NTNG1: variants seen among roughly 807,000 people sequenced by gnomAD.
NTNG1 encodes netrin G1.
In NTNG1, 16 loss-of-function variants were observed where a neutral mutation model predicts 54.0. That is an observed-to-expected ratio of 0.30 (90% CI 0.20 to 0.45). The LOEUF (loss-of-function observed/expected upper bound fraction) is 0.45, where lower values mean the gene tolerates loss of function less well. Among genes scored for constraint, NTNG1 ranks in the 20% least tolerant of loss-of-function variants. The probability of loss-of-function intolerance (pLI) is 1.00; values close to 1 mark genes in which losing one functional copy is unlikely to be tolerated. For missense variants in NTNG1, 530 were observed against 678.7 expected, an observed-to-expected ratio of 0.78 and a Z score of 2.43; for synonymous variants, 255 against 263.1, an observed-to-expected ratio of 0.97 and a Z score of 0.30.
At chr1:107,350,585 C>T (rs986939537) in intron 3 of NTNG1, among the ~76,000 whole-genome samples, 1 of 152,184 alleles carries the variant, frequency 6.6e-6, no homozygotes, top group African/African-American at 2.4e-5. Flanking sequence ...GATGTGGAAT[C>T]ACCCTAAATG....
intron 3 of NTNG1, among the ~76,000 whole-genome samples, chr1:107,362,091 C>A (rs534450885): frequency 6.6e-6 from 1 of 152,136 alleles, no homozygotes; most frequent in African/African-American, 2.4e-5. Flanking sequence ...ATCACAATCT[C>A]CTTGGGCATC....
At chr1:107,221,712 G>C (rs773515293) in intron 2 of NTNG1, among the ~76,000 whole-genome samples, 3 of 152,154 alleles carry the variant, frequency 2.0e-5, no homozygotes, top group African/African-American at 4.8e-5. Flanking sequence ...CTGGCACCTG[G>C]TATGTGCTTG....
chr1:107,475,309 A>G (rs996750647), intron 7 of NTNG1, among the ~76,000 whole-genome samples: 2 of 152,248 alleles, frequency 1.3e-5, no homozygotes, highest in Non-Finnish European at 2.9e-5. Context: ...GCAGTAATCT[A>G]TAAATTGGGA....
chr1:107,347,138 C>T (rs947589133), intron 3 of NTNG1, among the ~76,000 whole-genome samples: 5 of 152,060 alleles, frequency 3.3e-5, no homozygotes, highest in African/African-American at 1.2e-4. Context: ...TCAAATCCAT[C>T]TCTCCATCAT....
chr1:107,419,218 TCTCCCCG>T lies in NTNG1; in HGVS notation c.1087+11513_1087+11519del, dbSNP rs576524876. ...TCTCACTCCCTGTCTCCTCTCTCCC[TCTCCCCG>T]CTACCTCCTCCCTCCTCTCTCTCTC... On this transcript the variant is annotated intron_variant, in intron 5 of 7. Transcript: ENST00000370068. Among the ~76,000 whole-genome samples the T allele has an allele frequency of 2.7e-3, 396 of 148,050 alleles. 3 individuals carry two copies. The highest frequency in any genetic ancestry group is 3.6e-3 in the Admixed American group (52 of 14,406).
chr1:107,306,576 C>A (rs761524046), intron 2 of NTNG1, among the ~76,000 whole-genome samples: 2 of 152,134 alleles, frequency 1.3e-5, no homozygotes, highest in Non-Finnish European at 2.9e-5. Flanking sequence ...GATGGTGAAA[C>A]CCTGCCTCTA....
chr1:107,355,866 C>T (rs1036220312), intron 3 of NTNG1, among the ~76,000 whole-genome samples: 1 of 152,082 alleles, frequency 6.6e-6, no homozygotes, highest in Non-Finnish European at 1.5e-5. Context: ...TTCAGTAATG[C>T]TCTGGTTTTA....
At chr1:107,214,065 T>A (rs1006506445) in intron 2 of NTNG1, among the ~76,000 whole-genome samples, 2 of 152,202 alleles carry the variant, frequency 1.3e-5, no homozygotes, top group Non-Finnish European at 2.9e-5. Context: ...AAGTTCTTAA[T>A]TTTAATGAAG....
chr1:107,390,579 G>T (rs777989019), intron 3 of NTNG1, among the ~76,000 whole-genome samples: 27 of 152,082 alleles, frequency 1.8e-4, no homozygotes, highest in Non-Finnish European at 3.8e-4. Flanking sequence ...AACAATTAGG[G>T]CATGTGGCAG....
At chr1:107,172,481 G>A (rs1028395059) in intron 2 of NTNG1, among the ~76,000 whole-genome samples, 3 of 152,232 alleles carry the variant, frequency 2.0e-5, no homozygotes, top group African/African-American at 7.2e-5. Context: ...TCCGTCCAAA[G>A]TCCCACAATT....
intron 2 of NTNG1, among the ~76,000 whole-genome samples, chr1:107,188,022 A>G (rs1657594314): frequency 6.6e-6 from 1 of 151,470 alleles, no homozygotes; most frequent in South Asian, 2.1e-4. Context: ...TAATTAGTCC[A>G]GTTACTTACC....
chr1:107,207,611 T>A (rs1659291226), intron 2 of NTNG1, among the ~76,000 whole-genome samples: 1 of 152,204 alleles, frequency 6.6e-6, no homozygotes, highest in African/African-American at 2.4e-5. Context: ...ACCTAAGGTA[T>A]AAAGGGTGGC....
chr1:107,272,232 C>G (rs1444510487), intron 2 of NTNG1, among the ~76,000 whole-genome samples: 1 of 152,016 alleles, frequency 6.6e-6, no homozygotes, highest in Non-Finnish European at 1.5e-5. Flanking sequence ...TAATAATATT[C>G]TTAAAGGGTC....
At chr1:107,366,975 T>C (rs1056544578) in intron 3 of NTNG1, among the ~76,000 whole-genome samples, 1 of 152,184 alleles carries the variant, frequency 6.6e-6, no homozygotes, top group African/African-American at 2.4e-5. Flanking sequence ...TTAAAATGTA[T>C]ATTACTTGCT....
chr1:107,423,046 G>A (rs1478087091), intron 5 of NTNG1, among the ~76,000 whole-genome samples: 1 of 151,980 alleles, frequency 6.6e-6, no homozygotes, highest in Non-Finnish European at 1.5e-5. Flanking sequence ...CAGTCAAAAG[G>A]AACCTTTTAA....
chr1:107,376,744 C>T (rs6662274), intron 3 of NTNG1, among the ~76,000 whole-genome samples: 2 of 151,946 alleles, frequency 1.3e-5, no homozygotes, highest in African/African-American at 4.8e-5. Flanking sequence ...CATAGTATCT[C>T]GAGTGAACCT....
At chr1:107,283,061 C>T (rs1664966214) in intron 2 of NTNG1, among the ~76,000 whole-genome samples, 1 of 152,070 alleles carries the variant, frequency 6.6e-6, no homozygotes, top group African/African-American at 2.4e-5. Context: ...GCCCCACTTC[C>T]TAATATCATC....
intron 2 of NTNG1, among the ~76,000 whole-genome samples, chr1:107,239,680 G>A (rs1661688490): frequency 6.6e-6 from 1 of 152,202 alleles, no homozygotes; most frequent in South Asian, 2.1e-4. Context: ...ATGATGTTTA[G>A]TTATACTAAA....
chr1:107,210,050 A>G (rs903562736), intron 2 of NTNG1, among the ~76,000 whole-genome samples: 2 of 152,162 alleles, frequency 1.3e-5, no homozygotes, highest in East Asian at 1.9e-4. Context: ...GGAGCATCAC[A>G]GAAAGGGGAT....
Sources: gnomAD v4.1 joint callset for allele counts (sites outside exome capture counted in the v4.1 genomes callset) on GRCh38, gnomAD v4.1.1 for gene constraint, MANE v1.5 for transcripts, NCBI Gene and HGNC (gene_info 2026-07-23, HGNC 2026-07-21) for gene names.